DSCAM: variants seen among roughly 807,000 people sequenced by gnomAD.
DSCAM encodes the protein DS cell adhesion molecule.
In DSCAM, 47 loss-of-function variants were observed where a neutral mutation model predicts 217.7. The observed-to-expected ratio is 0.22, with a 90% CI of 0.17 to 0.28. The LOEUF is 0.28. DSCAM is among the 10% of genes least tolerant of loss of function. The pLI is 1.00. For missense variants in DSCAM, 2,080 were observed against 2,618.3 expected (o/e 0.79, Z 4.49); for synonymous variants, 1,056 against 1,015.3 (o/e 1.04, Z -0.76).
chr21:40,760,967 T>A (rs1297928218), intron 1 of DSCAM, among the ~76,000 whole-genome samples: 1 of 152,212 alleles, frequency 6.6e-6, no homozygotes, highest in African/African-American at 2.4e-5. Context: ...TTACTTATAA[T>A]CACAACATTC....
intron 3 of DSCAM, among the ~76,000 whole-genome samples, chr21:40,641,633 G>C (rs912725180): frequency 6.6e-6 from 1 of 152,132 alleles, no homozygotes; most frequent in East Asian, 1.9e-4. Context: ...ATCTAGAAGA[G>C]AAGTTCTAGA....
intron 3 of DSCAM, among the ~76,000 whole-genome samples, chr21:40,378,720 T>C (rs918363015): frequency 9.9e-5 from 15 of 151,192 alleles, no homozygotes; most frequent in Admixed American, 5.3e-4. Flanking sequence ...GCCTCCCGAG[T>C]AGCTGGGACT....
rs540899001 is a variant in DSCAM, at chr21:40,039,097, G to C, written c.5686+3274C>G. Among the ~76,000 whole-genome samples the C allele has an allele frequency of 2.0e-5, 3 of 152,092 alleles. No individual in the cohort carries two copies. The South Asian group carries it at 6.2e-4, about 32-fold the overall frequency. Reference sequence around the variant, plus strand: ...ACCAGTTAGTGGGTGCAGCGCACCAGAATGGCACATGTATACATATGTAAC... The same window carrying C: ...ACCAGTTAGTGGGTGCAGCGCACCACAATGGCACATGTATACATATGTAAC... On this transcript the variant is annotated intron_variant, in intron 32 of 32. Coordinates refer to ENST00000400454, the MANE Select transcript of DSCAM (RefSeq NM_001389.5).
chr21:40,270,263 G>C (rs923907780), intron 11 of DSCAM, among the ~76,000 whole-genome samples: 1 of 152,162 alleles, frequency 6.6e-6, no homozygotes, highest in Non-Finnish European at 1.5e-5. Flanking sequence ...CAATTCTGGG[G>C]ACCAGAAGTG....
At chr21:40,360,779 G>A (rs771241912) in intron 4 of DSCAM, among the ~76,000 whole-genome samples, 1 of 152,164 alleles carries the variant, frequency 6.6e-6, no homozygotes, top group Non-Finnish European at 1.5e-5. Context: ...GAACATACAA[G>A]TGCATATGTC....
intron 30 of DSCAM, among the ~76,000 whole-genome samples, chr21:40,050,315 G>C (rs979988982): frequency 6.6e-6 from 1 of 152,210 alleles, no homozygotes; most frequent in Non-Finnish European, 1.5e-5. Flanking sequence ...TGAAGCCAAT[G>C]CTGCATCACT....
At chr21:40,101,704 A>C (rs1217133776) in intron 20 of DSCAM, among the ~76,000 whole-genome samples, 2 of 151,894 alleles carry the variant, frequency 1.3e-5, no homozygotes, top group East Asian at 3.9e-4. Flanking sequence ...AAAATGTAAA[A>C]TATGCATGTT....
At chr21:40,402,252 G>C (rs13048722) in intron 3 of DSCAM, among the ~76,000 whole-genome samples, 14,139 of 148,842 alleles carry the variant, frequency 0.095, 739 homozygotes, top group Non-Finnish European at 0.13. Flanking sequence ...TGTATTTTTA[G>C]TAGAGACGGG....
intron 3 of DSCAM, among the ~76,000 whole-genome samples, chr21:40,418,796 T>C (rs1169965169): frequency 1.3e-5 from 2 of 152,016 alleles, no homozygotes; most frequent in Admixed American, 6.6e-5. Context: ...ATGCATAAAA[T>C]TGAATTAGTG....
chr21:40,322,576 G>A (rs900295335), intron 8 of DSCAM, among the ~76,000 whole-genome samples: 15 of 151,642 alleles, frequency 9.9e-5, no homozygotes, highest in African/African-American at 3.6e-4. Context: ...CCAGGCTGGA[G>A]TGCAGTGGCA....
rs115057323 is a variant in DSCAM at position 40,845,758 on chromosome 21, G to A, written c.43+861C>T. ...TAGCTACTCCCAGGCGATGTCAAATGATGACAATTTCCTCTGGTTCCCACA... is the reference window on the plus strand; with the variant it reads ...TAGCTACTCCCAGGCGATGTCAAATAATGACAATTTCCTCTGGTTCCCACA... On this transcript the variant is annotated intron_variant, in intron 1 of 32. Transcript: ENST00000400454. 5.6e-3 allele frequency among the ~76,000 whole-genome samples: 846 copies of A among 152,260 alleles called. 12 individuals are homozygous for A. Among genetic ancestry groups the A allele is most frequent in the African/African-American group, 0.019 (810 of 41,540 alleles).
chr21:40,661,818 T>C (rs2090141895), intron 3 of DSCAM, among the ~76,000 whole-genome samples: 1 of 152,154 alleles, frequency 6.6e-6, no homozygotes, highest in Non-Finnish European at 1.5e-5. Context: ...AATATGAGAA[T>C]AGAGAGGTGT....
intron 11 of DSCAM, among the ~76,000 whole-genome samples, chr21:40,203,328 T>A (rs897360738): frequency 6.6e-6 from 1 of 152,250 alleles, no homozygotes; most frequent in Non-Finnish European, 1.5e-5. Context: ...TCTTTCCTTT[T>A]ATACACAGAG....
chr21:40,334,231 C>T (rs2074405781), intron 8 of DSCAM, among the ~76,000 whole-genome samples: 1 of 152,126 alleles, frequency 6.6e-6, no homozygotes, highest in Non-Finnish European at 1.5e-5. Flanking sequence ...GAACTCTACT[C>T]TCCCATATCT....
intron 1 of DSCAM, among the ~76,000 whole-genome samples, chr21:40,748,063 C>A (rs1161728401): frequency 6.6e-6 from 1 of 151,762 alleles, no homozygotes; most frequent in East Asian, 1.9e-4. Flanking sequence ...AAACAACACA[C>A]CTTAATTTAA....
chr21:40,845,544 T>TCTCTCTCC (rs768262615), intron 1 of DSCAM, among the ~76,000 whole-genome samples: 4 of 108,660 alleles, frequency 3.7e-5, no homozygotes, highest in African/African-American at 1.3e-4. Flanking sequence ...TCTTCTCCTC[T>TCTCTCTCC]CTCTCTCTCT....
At chr21:40,599,420 T>C (rs1438502279) in intron 3 of DSCAM, among the ~76,000 whole-genome samples, 1 of 152,176 alleles carries the variant, frequency 6.6e-6, no homozygotes, top group Non-Finnish European at 1.5e-5. Flanking sequence ...CTCCTCCCTG[T>C]GTCCATGTGT....
At chr21:40,134,987 C>G (rs903332657) in intron 18 of DSCAM, among the ~76,000 whole-genome samples, 11 of 152,162 alleles carry the variant, frequency 7.2e-5, no homozygotes, top group African/African-American at 2.7e-4. Context: ...TAATAACATT[C>G]ACAGATGGAA....
intron 3 of DSCAM, among the ~76,000 whole-genome samples, chr21:40,585,456 A>G (rs1224047406): frequency 6.6e-6 from 1 of 152,028 alleles, no homozygotes; most frequent in Non-Finnish European, 1.5e-5. Context: ...AAAATGCTTA[A>G]AAGAACACAT....
Sources: allele counts gnomAD v4.1 joint callset (sites outside exome capture counted in the v4.1 genomes callset), GRCh38; gene constraint gnomAD v4.1.1; transcripts MANE v1.5; gene names NCBI Gene and HGNC (gene_info 2026-07-23, HGNC 2026-07-21).